DISC1: variants seen among roughly 807,000 people sequenced by gnomAD.
DISC1 encodes disrupted in schizophrenia 1 protein.
Under a neutral mutation model 84.5 loss-of-function variants are expected in DISC1, and 57 were observed. The ratio of observed to expected loss-of-function variants is 0.67; its 90% CI spans 0.55 to 0.84. The LOEUF (loss-of-function observed/expected upper bound fraction) is 0.84, where lower values mean the gene tolerates loss of function less well. Ranked by LOEUF, DISC1 falls within the 40% of genes least tolerant of loss-of-function variation. DISC1 has a pLI of 0.00. For missense variants in DISC1, 1,000 were observed against 1,057.8 expected (o/e 0.95, Z 0.76); for synonymous variants, 411 against 415.2 (o/e 0.99, Z 0.12).
In DISC1 at chr1:232,037,730, T is replaced by C. The variant is rs1465280713; in HGVS notation, c.*899T>C. Reference sequence around the variant, plus strand: ...AGTACTCAGTAAGACAGTGCAGTGCTCAGTAAGGCAGTGCAATACTCAGTA... The same window carrying C: ...AGTACTCAGTAAGACAGTGCAGTGCCCAGTAAGGCAGTGCAATACTCAGTA... On this transcript the variant is annotated 3_prime_UTR_variant, in exon 13 of 13. Transcript: ENST00000439617. The C allele has an allele frequency of 1.3e-5, 2 of 151,884 alleles. No individual in the cohort carries two copies. The highest frequency in any genetic ancestry group is 2.9e-5 in the Non-Finnish European group (2 of 68,132). 9.4% of individuals were successfully genotyped at this position (151,884 alleles called of 1,614,324 possible). A position where few individuals can be genotyped will look rare whatever the true frequency, so the allele number is the denominator to read the frequency against.
chr1:231,679,806 CTT>C (rs2063513988), intron 1 of DISC1, among the ~76,000 whole-genome samples: 1 of 152,204 alleles, frequency 6.6e-6, no homozygotes, highest in Non-Finnish European at 1.5e-5. Flanking sequence ...TAAACAGCCT[CTT>C]TATTTGTAGG....
rs1001997570 is a variant in DISC1, at chr1:231,788,437, G to A, written c.1635-6805G>A. On this transcript the variant is annotated intron_variant, in intron 6 of 12. Coordinates refer to ENST00000439617, the MANE Select transcript of DISC1 (RefSeq NM_018662.3). The stretch of plus-strand genomic sequence containing the variant: ...TCATCTTCCCTCTATGCATGTCCCC[G>A]AATCCACATTTCCCCTTTTATAAGG... Among the ~76,000 whole-genome samples the A allele has an allele frequency of 8.5e-5, 13 of 152,136 alleles. 1 individual carries two copies. The highest frequency in any genetic ancestry group is 3.1e-4 in the African/African-American group (13 of 41,498).
intron 2 of DISC1, among the ~76,000 whole-genome samples, chr1:231,697,358 T>G (rs1479300864): frequency 6.6e-6 from 1 of 152,224 alleles, no homozygotes; most frequent in East Asian, 1.9e-4. Flanking sequence ...GTTTGTGGAT[T>G]CTATATGTGT....
At chr1:231,903,175 C>A (rs532826429) in intron 9 of DISC1, among the ~76,000 whole-genome samples, 1 of 152,128 alleles carries the variant, frequency 6.6e-6, no homozygotes, top group South Asian at 2.1e-4. Context: ...GATCCTCCCA[C>A]CTCAGCCTCC....
chr1:231,927,382 C>T (rs1320699739), intron 9 of DISC1, among the ~76,000 whole-genome samples: 1 of 152,156 alleles, frequency 6.6e-6, no homozygotes, highest in Non-Finnish European at 1.5e-5. Context: ...CTTCAACTTC[C>T]CAAGACCTCA....
intron 2 of DISC1, among the ~76,000 whole-genome samples, chr1:231,695,495 A>G (rs554994334): frequency 3.3e-5 from 5 of 152,282 alleles, no homozygotes; most frequent in Non-Finnish European, 7.4e-5. Flanking sequence ...TCTACCCACA[A>G]AAGTTCCCAG....
intron 10 of DISC1, among the ~76,000 whole-genome samples, chr1:232,004,366 AAC>A (rs1290660509): frequency 5.9e-5 from 9 of 152,176 alleles, no homozygotes; most frequent in Non-Finnish European, 2.9e-5. Context: ...GAATAAGTAA[AAC>A]ACATACTGAA....
At chr1:231,979,025 G>A (rs573425634) in intron 10 of DISC1, among the ~76,000 whole-genome samples, 62 of 152,080 alleles carry the variant, frequency 4.1e-4, no homozygotes, top group Non-Finnish European at 7.8e-4. Context: ...CCTGAGCTCC[G>A]CCTCCTGTCA....
At chr1:231,685,986 A>C (rs1025909349) in intron 1 of DISC1, among the ~76,000 whole-genome samples, 6 of 151,908 alleles carry the variant, frequency 3.9e-5, no homozygotes, top group Admixed American at 3.3e-4. Flanking sequence ...AAATTTTAAA[A>C]CTCCAAAATG....
intron 9 of DISC1, among the ~76,000 whole-genome samples, chr1:231,956,395 T>C (rs187944101): frequency 7.7e-4 from 117 of 152,326 alleles, no homozygotes; most frequent in Non-Finnish European, 5.3e-4. Context: ...ACCCTGGTGA[T>C]GGGTGAGAAA....
At chr1:231,996,285 G>T (rs1665948229) in intron 10 of DISC1, among the ~76,000 whole-genome samples, 1 of 152,032 alleles carries the variant, frequency 6.6e-6, no homozygotes, top group African/African-American at 2.4e-5. Context: ...CTCCCATTTT[G>T]TAGGTTGCCT....
intron 9 of DISC1, among the ~76,000 whole-genome samples, chr1:231,926,555 T>C (rs2090368980): frequency 6.6e-6 from 1 of 152,214 alleles, no homozygotes; most frequent in Non-Finnish European, 1.5e-5. Context: ...TCACCATTTC[T>C]ATAAACTTGG....
intron 3 of DISC1, among the ~76,000 whole-genome samples, chr1:231,743,573 G>T (rs1182668630): frequency 6.6e-6 from 1 of 152,170 alleles, no homozygotes; most frequent in Non-Finnish European, 1.5e-5. Flanking sequence ...TATTAAGAAA[G>T]AAATCATATA....
At chr1:231,870,913 G>A (rs983218647) in intron 9 of DISC1, among the ~76,000 whole-genome samples, 8 of 152,110 alleles carry the variant, frequency 5.3e-5, no homozygotes, top group East Asian at 1.9e-4. Flanking sequence ...ATTTTCAAAC[G>A]ATCATGACTT....
At chr1:231,932,717 G>C (rs1032011946) in intron 9 of DISC1, among the ~76,000 whole-genome samples, 3 of 152,142 alleles carry the variant, frequency 2.0e-5, no homozygotes, top group Non-Finnish European at 4.4e-5. Context: ...TGCCTCTCCA[G>C]GAGCCAATCA....
intron 9 of DISC1, among the ~76,000 whole-genome samples, chr1:231,893,848 T>C (rs1363684847): frequency 6.6e-6 from 1 of 152,182 alleles, no homozygotes; most frequent in Non-Finnish European, 1.5e-5. Context: ...GGAGGACTTA[T>C]GAACAATGAA....
chr1:231,704,385 A>G (rs1293743242), intron 3 of DISC1, among the ~76,000 whole-genome samples: 2 of 152,138 alleles, frequency 1.3e-5, no homozygotes, highest in Admixed American at 6.5e-5. Flanking sequence ...AAAAATATCT[A>G]TTAAGTATCC....
chr1:231,638,005 A>G (rs1397155103), intron 1 of DISC1, among the ~76,000 whole-genome samples: 1 of 152,136 alleles, frequency 6.6e-6, no homozygotes, highest in Non-Finnish European at 1.5e-5. Context: ...ATTCTCTTCA[A>G]TATCTGTTAT....
chr1:231,695,561 C>A (rs1420528453), intron 2 of DISC1, among the ~76,000 whole-genome samples: 1 of 151,888 alleles, frequency 6.6e-6, no homozygotes, highest in Non-Finnish European at 1.5e-5. Context: ...GTATTTTAAT[C>A]CTGGTGTGTG....
Sources: allele counts gnomAD v4.1 joint callset (sites outside exome capture counted in the v4.1 genomes callset), GRCh38; gene constraint gnomAD v4.1.1; transcripts MANE v1.5; gene names NCBI Gene and HGNC (gene_info 2026-07-23, HGNC 2026-07-21).